The following CDH13 variants were observed in gnomAD, a reference collection of about 807,000 sequenced individuals.
CDH13 encodes the protein cadherin-13.
A neutral mutation model predicts 63.8 loss-of-function variants in CDH13; 24 were observed. The observed-to-expected ratio is 0.38, with a 90% CI of 0.27 to 0.53. CDH13 has a LOEUF of 0.53. Ranked by LOEUF, CDH13 falls within the 20% of genes least tolerant of loss-of-function variation. The probability of loss-of-function intolerance (pLI) is 0.85; values close to 1 mark genes in which losing one functional copy is unlikely to be tolerated. For synonymous variants in CDH13, 503 were observed against 355.3 expected, an observed-to-expected ratio of 1.42 and a Z score of -4.67; for missense variants, 1,049 against 903.1, an observed-to-expected ratio of 1.16 and a Z score of -2.07.
intron 4 of CDH13, among the ~76,000 whole-genome samples, chr16:83,167,325 C>T (rs1178827693): frequency 3.3e-5 from 5 of 151,672 alleles, no homozygotes; most frequent in East Asian, 1.9e-4. Flanking sequence ...GGTGAAATCC[C>T]GTCTCTACTA....
chr16:83,207,158 T>G (rs1454237094), intron 4 of CDH13, among the ~76,000 whole-genome samples: 3 of 152,202 alleles, frequency 2.0e-5, no homozygotes, highest in African/African-American at 7.2e-5. Flanking sequence ...ACATCCACAT[T>G]ATTGTGCAAC....
intron 3 of CDH13, among the ~76,000 whole-genome samples, chr16:83,071,079 C>A (rs1274220315): frequency 6.6e-6 from 1 of 152,036 alleles, no homozygotes; most frequent in South Asian, 2.1e-4. Context: ...GCATGAGACA[C>A]CATGCCTCTT....
intron 5 of CDH13, among the ~76,000 whole-genome samples, chr16:83,319,441 TTTC>T (rs1443229113): frequency 6.6e-6 from 1 of 152,186 alleles, no homozygotes; most frequent in Non-Finnish European, 1.5e-5. Flanking sequence ...AGTGAGCTGG[TTTC>T]TTTTTTGCCA....
chr16:82,731,415 A>T (rs942277871), intron 1 of CDH13, among the ~76,000 whole-genome samples: 1 of 152,258 alleles, frequency 6.6e-6, no homozygotes, highest in African/African-American at 2.4e-5. Flanking sequence ...AACATAAAGA[A>T]TGCAAATTAA....
chr16:83,463,217 C>T (rs1433160570), intron 6 of CDH13, among the ~76,000 whole-genome samples: 2 of 152,170 alleles, frequency 1.3e-5, no homozygotes, highest in East Asian at 1.9e-4. Context: ...AAGGCCCAGG[C>T]GTCAGATAGC....
intron 1 of CDH13, among the ~76,000 whole-genome samples, chr16:82,725,054 A>C (rs1408133871): frequency 6.6e-6 from 1 of 152,116 alleles, no homozygotes; most frequent in Non-Finnish European, 1.5e-5. Flanking sequence ...ATATTAGCTT[A>C]TTTTGTGATA....
At chr16:83,688,051 T>G (rs1024269283) in intron 10 of CDH13, among the ~76,000 whole-genome samples, 2 of 152,222 alleles carry the variant, frequency 1.3e-5, no homozygotes, top group African/African-American at 4.8e-5. Flanking sequence ...GAATACAACA[T>G]AGAATAATGA....
At chr16:83,029,395 T>A (rs920656712) in intron 2 of CDH13, among the ~76,000 whole-genome samples, 3 of 152,128 alleles carry the variant, frequency 2.0e-5, no homozygotes, top group Admixed American at 6.5e-5. Context: ...AGCCCCAAAG[T>A]GGAAATAGTC....
chr16:83,540,856 C>T (rs972002348), intron 7 of CDH13, among the ~76,000 whole-genome samples: 1 of 152,138 alleles, frequency 6.6e-6, no homozygotes, highest in African/African-American at 2.4e-5. Context: ...TCTTGATCTC[C>T]CAACCTCAAA....
At chr16:83,054,919 A>T (rs2030761491) in intron 3 of CDH13, among the ~76,000 whole-genome samples, 1 of 152,274 alleles carries the variant, frequency 6.6e-6, no homozygotes, top group African/African-American at 2.4e-5. Context: ...TGGAATACTT[A>T]TCAATATATT....
At chr16:83,611,850 T>C (rs546058869) in intron 8 of CDH13, among the ~76,000 whole-genome samples, 107 of 152,146 alleles carry the variant, frequency 7.0e-4, no homozygotes, top group Non-Finnish European at 1.3e-3. Context: ...CATTAATTTC[T>C]ATCTTAATTC....
At chr16:83,082,867 G>A (rs1276209954) in intron 3 of CDH13, among the ~76,000 whole-genome samples, 1 of 152,208 alleles carries the variant, frequency 6.6e-6, no homozygotes, top group Non-Finnish European at 1.5e-5. Flanking sequence ...TGTTTTAACA[G>A]CAACAGTGAA....
At chr16:82,698,689 T>C in intron 1 of CDH13, among the ~76,000 whole-genome samples, 1 of 152,248 alleles carries the variant, frequency 6.6e-6, no homozygotes, top group South Asian at 2.1e-4. Flanking sequence ...GCTGAGCCCA[T>C]TGTCAAAGAG....
chr16:83,045,614 G>A (rs1917705655), intron 3 of CDH13, among the ~76,000 whole-genome samples: 1 of 137,570 alleles, frequency 7.3e-6, no homozygotes, highest in African/African-American at 2.9e-5. Flanking sequence ...TGTAGTCTGG[G>A]CGACAGATCA....
chr16:83,682,722 C>G (rs1324836310), intron 10 of CDH13, among the ~76,000 whole-genome samples: 1 of 152,168 alleles, frequency 6.6e-6, no homozygotes, highest in Non-Finnish European at 1.5e-5. Flanking sequence ...CCCCACCCCA[C>G]CATCTCTGTC....
At chr16:82,703,262 G>A in intron 1 of CDH13, among the ~76,000 whole-genome samples, 1 of 151,842 alleles carries the variant, frequency 6.6e-6, no homozygotes, top group East Asian at 1.9e-4. Context: ...CACACTCAGG[G>A]CTGCCCCACA....
At position 83,240,717 on chromosome 16, in the gene CDH13, C is replaced by CTTTTTT. The variant is rs56753707; in HGVS notation, c.636+23241_636+23246dup. On this transcript the variant is annotated intron_variant, in intron 5 of 13. Coordinates refer to ENST00000567109, the MANE Select transcript of CDH13 (RefSeq NM_001257.5). ...ATGACTTTAAATTTACTGTCTTAAT[C>CTTTTTT]TTTTTTTTTTTTTTTTTTTTTTTTT... is the stretch of plus-strand genomic sequence containing the variant. Among the ~76,000 whole-genome samples the CTTTTTT allele has an allele frequency of 5.3e-4, 43 of 81,654 alleles. 2 individuals carry two copies. The highest frequency in any genetic ancestry group is 1.1e-3 in the South Asian group (2 of 1,898). 53.6% of individuals were successfully genotyped at this position (81,654 alleles called of 152,430 possible). A position where few individuals can be genotyped will look rare whatever the true frequency, so the allele number is the denominator to read the frequency against.
chr16:83,423,266 A>T (rs1012281100), intron 6 of CDH13, among the ~76,000 whole-genome samples: 3 of 152,120 alleles, frequency 2.0e-5, no homozygotes, highest in Admixed American at 2.0e-4. Flanking sequence ...ACATGTCAAC[A>T]CTCACCCAAG....
chr16:82,820,608 T>G (rs2037958878), intron 1 of CDH13, among the ~76,000 whole-genome samples: 1 of 152,200 alleles, frequency 6.6e-6, no homozygotes, highest in Admixed American at 6.5e-5. Flanking sequence ...GAACACATTT[T>G]TATTGATTAT....
Sources: allele counts gnomAD v4.1 joint callset (sites outside exome capture counted in the v4.1 genomes callset), GRCh38; gene constraint gnomAD v4.1.1; transcripts MANE v1.5; gene names NCBI Gene and HGNC (gene_info 2026-07-23, HGNC 2026-07-21).